KCNH8: variants seen among roughly 807,000 people sequenced by gnomAD.
KCNH8 encodes the protein potassium voltage-gated channel subfamily H member 8.
A neutral mutation model predicts 103.6 loss-of-function variants in KCNH8; 70 were observed. That is an observed-to-expected ratio of 0.68 (90% CI 0.56 to 0.82). The LOEUF (loss-of-function observed/expected upper bound fraction) is 0.82, where lower values mean the gene tolerates loss of function less well. Ranked by LOEUF, KCNH8 falls within the 40% of genes least tolerant of loss-of-function variation. KCNH8 has a pLI of 0.00. For synonymous variants in KCNH8, 498 were observed against 489.4 expected (o/e 1.02, Z -0.23); for missense variants, 1,217 against 1,329.9 (o/e 0.92, Z 1.32).
intron 1 of KCNH8, among the ~76,000 whole-genome samples, chr3:19,172,383 A>G (rs1210007977): frequency 7.3e-6 from 1 of 136,494 alleles, no homozygotes; most frequent in African/African-American, 3.7e-5. Context: ...TGCCTTGCAG[A>G]GTGTCAAAAC....
intron 5 of KCNH8, among the ~76,000 whole-genome samples, chr3:19,355,391 C>G (rs2065866446): frequency 6.6e-6 from 1 of 152,134 alleles, no homozygotes; most frequent in African/African-American, 2.4e-5. Context: ...GGGTATATAA[C>G]CAAAGGATTA....
intron 3 of KCNH8, among the ~76,000 whole-genome samples, chr3:19,300,625 C>T (rs1018906673): frequency 1.3e-5 from 2 of 151,984 alleles, no homozygotes; most frequent in Admixed American, 6.6e-5. Flanking sequence ...TATTTAAGAG[C>T]GGAGATTACA....
intron 7 of KCNH8, among the ~76,000 whole-genome samples, chr3:19,411,705 C>T (rs1340796612): frequency 1.3e-5 from 2 of 151,766 alleles, no homozygotes; most frequent in Non-Finnish European, 2.9e-5. Context: ...AGTGTGCCTA[C>T]ACACCAGTAA....
rs535314422 is a variant in KCNH8, at chr3:19,320,386, T to C, written c.443-22201T>C. 1.3e-4 allele frequency among the ~76,000 whole-genome samples: 20 copies of C among 152,118 alleles called. No homozygotes were observed. In the South Asian group the frequency reaches 3.9e-3, roughly 30 times the overall value. On this transcript the variant is annotated intron_variant, in intron 3 of 15. Transcript: ENST00000328405. ...ATCATAAAGGGATGCTGGATTTTGT[T>C]GAACCCTTTTTCTGCATCTACTGAG...
chr3:19,486,357 G>C (rs1032918448), intron 11 of KCNH8, among the ~76,000 whole-genome samples: 33 of 152,364 alleles, frequency 2.2e-4, no homozygotes, highest in African/African-American at 7.2e-4. Flanking sequence ...GCATTTGTTA[G>C]CCAATGATGT....
chr3:19,293,492 C>G (rs959408186), intron 3 of KCNH8, among the ~76,000 whole-genome samples: 9 of 152,222 alleles, frequency 5.9e-5, no homozygotes, highest in African/African-American at 2.2e-4. Context: ...TGCAGAATCT[C>G]AGGCTCTAGA....
intron 2 of KCNH8, among the ~76,000 whole-genome samples, chr3:19,259,111 G>C (rs1200518121): frequency 6.6e-6 from 1 of 150,922 alleles, no homozygotes. Context: ...GGATAACTCT[G>C]TACTCACAAA....
chr3:19,421,504 A>G (rs1305682041), intron 7 of KCNH8, among the ~76,000 whole-genome samples: 3 of 152,074 alleles, frequency 2.0e-5, no homozygotes, highest in Non-Finnish European at 2.9e-5. Flanking sequence ...CTTATACAAC[A>G]GAGTTAAACA....
intron 11 of KCNH8, among the ~76,000 whole-genome samples, chr3:19,509,665 T>C (rs2068750735): frequency 6.6e-6 from 1 of 152,216 alleles, no homozygotes; most frequent in African/African-American, 2.4e-5. Context: ...TAAATCTGTC[T>C]TACAATTGAT....
At chr3:19,487,378 C>T (rs2068232397) in intron 11 of KCNH8, among the ~76,000 whole-genome samples, 1 of 152,192 alleles carries the variant, frequency 6.6e-6, no homozygotes, top group Admixed American at 6.5e-5. Context: ...GCAAGTCCTG[C>T]ACTGGCCGGT....
chr3:19,507,407 A>G (rs935622740), intron 11 of KCNH8, among the ~76,000 whole-genome samples: 5 of 152,174 alleles, frequency 3.3e-5, no homozygotes, highest in Admixed American at 6.5e-5. Context: ...TGCCTCATGA[A>G]GAGTGGGGGG....
chr3:19,291,494 G>T (rs555401791), intron 3 of KCNH8, among the ~76,000 whole-genome samples: 4 of 152,008 alleles, frequency 2.6e-5, no homozygotes, highest in Admixed American at 2.6e-4. Context: ...CCTTCATTTC[G>T]TTATGTACCC....
rs1403303152 is a variant in KCNH8 at position 19,507,917 on chromosome 3, T to TG, written c.2041-2446_2041-2445insG. Among the ~76,000 whole-genome samples, 8 of 152,346 alleles carry TG rather than the reference T, an allele frequency of 5.3e-5. No homozygotes were observed. In the East Asian group the frequency reaches 1.5e-3, roughly 29 times the overall value. ...TACCTTCCCAAAAGATGGCTCTTAC[T>TG]ATTTTCGGGTATATTCCTCTGATGA... is the stretch of plus-strand genomic sequence containing the variant. On this transcript the variant is annotated intron_variant, in intron 11 of 15. Coordinates refer to ENST00000328405, the MANE Select transcript of KCNH8 (RefSeq NM_144633.3).
chr3:19,379,932 A>G (rs900732930), intron 5 of KCNH8, among the ~76,000 whole-genome samples: 1 of 152,180 alleles, frequency 6.6e-6, no homozygotes, highest in African/African-American at 2.4e-5. Context: ...AACTATCTCT[A>G]TGTAATAAAA....
chr3:19,530,093 G>C (rs754123280), intron 15 of KCNH8, among the ~76,000 whole-genome samples: 10 of 152,080 alleles, frequency 6.6e-5, no homozygotes, highest in Non-Finnish European at 1.5e-4. Flanking sequence ...ACTCATATGT[G>C]GGAGCTAGAA....
At chr3:19,165,986 T>G (rs951772121) in intron 1 of KCNH8, among the ~76,000 whole-genome samples, 1 of 152,196 alleles carries the variant, frequency 6.6e-6, no homozygotes, top group Non-Finnish European at 1.5e-5. Context: ...AGACTTTGCT[T>G]GTGTCATGTT....
At chr3:19,498,254 A>G (rs952295968) in intron 11 of KCNH8, among the ~76,000 whole-genome samples, 2 of 152,060 alleles carry the variant, frequency 1.3e-5, no homozygotes, top group African/African-American at 4.8e-5. Context: ...GTTAACATTT[A>G]TATGTGTGGA....
Position 19,438,064 on chromosome 3 carries a change from A to G in KCNH8, c.1178-100A>G. 4.3e-6 allele frequency: 4 copies of G among 938,324 alleles called. No homozygotes were observed. In the South Asian group the frequency reaches 6.1e-5, roughly 14 times the overall value. 58.1% of individuals were successfully genotyped at this position (938,324 alleles called of 1,614,324 possible). On this transcript the variant is annotated intron_variant, in intron 7 of 15. Coordinates refer to ENST00000328405, the MANE Select transcript of KCNH8 (RefSeq NM_144633.3). ...TTTTACCTTCTTCTTCCTCTGAGCA[A>G]ATTATTACCTCCCCAAATGTTCATT...
intron 1 of KCNH8, among the ~76,000 whole-genome samples, chr3:19,164,140 C>T (rs2063260111): frequency 6.6e-6 from 1 of 152,108 alleles, no homozygotes. Flanking sequence ...ATGCTAGAAA[C>T]ATTGACATGC....
Sources: allele counts gnomAD v4.1 joint callset (sites outside exome capture counted in the v4.1 genomes callset), GRCh38; gene constraint gnomAD v4.1.1; transcripts MANE v1.5; gene names NCBI Gene and HGNC (gene_info 2026-07-23, HGNC 2026-07-21).